Variants in LUC7L2 observed in about 807,000 individuals in gnomAD.
LUC7L2 encodes the protein putative RNA-binding protein Luc7-like 2.
Under a neutral mutation model 52.8 loss-of-function variants are expected in LUC7L2, and 25 were observed. The ratio of observed to expected loss-of-function variants is 0.47; its 90% CI spans 0.34 to 0.66. The LOEUF is 0.66. Among genes scored for constraint, LUC7L2 ranks in the 30% least tolerant of loss-of-function variants. The pLI, the probability that LUC7L2 is intolerant of heterozygous loss-of-function variation, is 0.01. For synonymous variants in LUC7L2, 144 were observed against 160.9 expected (o/e 0.89, Z 0.80); for missense variants, 328 against 497.8 (o/e 0.66, Z 3.25).
chr7:139,405,463 A>AAGGC (rs1795079052), intron 4 of LUC7L2, among the ~76,000 whole-genome samples, 181 bp from the exon 5 acceptor site: 1 of 152,344 alleles, frequency 6.6e-6, no homozygotes, highest in African/African-American at 2.4e-5. Context: ...TCATTGAGGT[A>AAGGC]AGGCAGGCAG....
At chr7:139,375,694 A>C in intron 1 of LUC7L2, 1 of 883,126 alleles carries the variant, frequency 1.1e-6, no homozygotes, top group South Asian at 5.0e-5. Context: ...AAACTCTCTT[A>C]GTGGGTCTGC....
chr7:139,389,051 A>AGT (rs1554393066), intron 2 of LUC7L2, among the ~76,000 whole-genome samples: 4 of 145,114 alleles, frequency 2.8e-5, no homozygotes, highest in African/African-American at 1.0e-4. Flanking sequence ...TTTTTAAATG[A>AGT]TTTTTTTTTT....
chr7:139,362,027 A>G (rs866105469), intron 1 of LUC7L2, among the ~76,000 whole-genome samples: 1 of 151,278 alleles, frequency 6.6e-6, no homozygotes, highest in Admixed American at 6.6e-5. Context: ...TTAAATATAT[A>G]TATTTCTGTG....
At chr7:139,361,674 C>T (rs1022480547) in intron 1 of LUC7L2, among the ~76,000 whole-genome samples, 3 of 152,130 alleles carry the variant, frequency 2.0e-5, no homozygotes, top group African/African-American at 7.2e-5. Context: ...CTTAAAATGC[C>T]ACTGGAGAAA....
chr7:139,373,101 G>A (rs1470284058), intron 1 of LUC7L2, among the ~76,000 whole-genome samples: 3 of 152,094 alleles, frequency 2.0e-5, no homozygotes, highest in South Asian at 2.1e-4. Context: ...TATAAAATAG[G>A]TGCTGTTTTA....
chr7:139,396,124 C>G (rs1272513724), intron 2 of LUC7L2, among the ~76,000 whole-genome samples: 4 of 152,050 alleles, frequency 2.6e-5, no homozygotes, highest in African/African-American at 9.7e-5. Context: ...TTTGTTCTAC[C>G]TTCAGAAAGC....
Position 139,363,976 on chromosome 7 carries a change from C to CTTTTTTTTTTTTTTTTTTT in LUC7L2, c.61+3663_61+3681dup, listed in dbSNP as rs1169793101. 4.1e-4 allele frequency among the ~76,000 whole-genome samples: 39 copies of CTTTTTTTTTTTTTTTTTTT among 96,098 alleles called. 3 individuals are homozygous for CTTTTTTTTTTTTTTTTTTT. Among genetic ancestry groups the CTTTTTTTTTTTTTTTTTTT allele is most frequent in the African/African-American group, 1.0e-3 (18 of 17,264 alleles). 63.0% of individuals were successfully genotyped at this position (96,098 alleles called of 152,430 possible). ...TGAGGGTGTGGATTTAGATTACATCCTTTTTTTTTTTTTTTTTTTTTTTTT... is the reference window on the plus strand; with the variant it reads ...TGAGGGTGTGGATTTAGATTACATCCTTTTTTTTTTTTTTTTTTTTTTTTTTTTTTTTTTTTTTTTTTTT... On this transcript the variant is annotated intron_variant, in intron 1 of 9. Transcript: ENST00000354926.
At chr7:139,390,749 G>A (rs1479466201) in intron 2 of LUC7L2, among the ~76,000 whole-genome samples, 1 of 151,502 alleles carries the variant, frequency 6.6e-6, no homozygotes, top group African/African-American at 2.4e-5. Context: ...GTAGAGACGG[G>A]ATTTCACCGT....
intron 8 of LUC7L2, among the ~76,000 whole-genome samples, chr7:139,413,727 G>C (rs532062282): frequency 2.6e-5 from 4 of 152,286 alleles, no homozygotes; most frequent in Admixed American, 1.3e-4. Flanking sequence ...ACAGTAAGCC[G>C]AGATTGTGCC....
chr7:139,380,395 C>A (rs373581524), intron 2 of LUC7L2, among the ~76,000 whole-genome samples: 1 of 151,264 alleles, frequency 6.6e-6, no homozygotes, highest in African/African-American at 2.4e-5. Context: ...GTCAGGAGTT[C>A]GAGACCAGCC....
intron 1 of LUC7L2, chr7:139,374,622 A>AC (rs1188962682): frequency 6.8e-7 from 1 of 1,462,562 alleles, no homozygotes; most frequent in East Asian, 2.5e-5. Context: ...AAAATAACCT[A>AC]CTAGAGACGA....
intron 1 of LUC7L2, chr7:139,371,421 C>T: frequency 7.3e-7 from 1 of 1,376,882 alleles, no homozygotes; most frequent in Non-Finnish European, 1.0e-6. Context: ...CATGGTCATC[C>T]ACTCACAGCT....
intron 1 of LUC7L2, chr7:139,374,451 A>G (rs1800607546): frequency 3.2e-6 from 5 of 1,550,862 alleles, no homozygotes; most frequent in African/African-American, 1.4e-5. Flanking sequence ...AGTGTCAGAA[A>G]GGCCCCGCAT....
chr7:139,373,268 C>T (rs1030928873), intron 1 of LUC7L2, among the ~76,000 whole-genome samples: 2 of 152,134 alleles, frequency 1.3e-5, no homozygotes, highest in Non-Finnish European at 2.9e-5. Context: ...GTTATGCAGC[C>T]AGATTGTTTT....
chr7:139,373,582 T>C (rs746810915), intron 1 of LUC7L2, among the ~76,000 whole-genome samples: 10 of 151,718 alleles, frequency 6.6e-5, no homozygotes, highest in Non-Finnish European at 1.5e-4. Flanking sequence ...ACAACTATTA[T>C]GTATCCATAA....
chr7:139,371,512 G>A (rs1224733982), intron 1 of LUC7L2: 2 of 1,165,672 alleles, frequency 1.7e-6, no homozygotes, highest in Non-Finnish European at 2.3e-6. Context: ...ATCTATGAAA[G>A]TTGATTTGGT....
chr7:139,418,528 C>G (rs1297609992), intron 9 of LUC7L2, among the ~76,000 whole-genome samples: 1 of 152,146 alleles, frequency 6.6e-6, no homozygotes, highest in East Asian at 1.9e-4. Flanking sequence ...CTAGTACCTA[C>G]TAGTCTTACA....
At chr7:139,370,946 T>G (rs1339478223) in intron 1 of LUC7L2, among the ~76,000 whole-genome samples, 2 of 152,184 alleles carry the variant, frequency 1.3e-5, no homozygotes, top group Non-Finnish European at 2.9e-5. Context: ...GAAAACAAGC[T>G]TTAAGCTTTT....
At chr7:139,396,383 C>T (rs1004471491) in intron 2 of LUC7L2, among the ~76,000 whole-genome samples, 1 of 152,020 alleles carries the variant, frequency 6.6e-6, no homozygotes, top group Non-Finnish European at 1.5e-5. Context: ...GTGGAGGCTG[C>T]AGTGAGCCAT....
Sources: gnomAD v4.1 joint callset for allele counts (sites outside exome capture counted in the v4.1 genomes callset) on GRCh38, gnomAD v4.1.1 for gene constraint, MANE v1.5 for transcripts, NCBI Gene and HGNC (gene_info 2026-07-23, HGNC 2026-07-21) for gene names.